The following TMEM232 variants were observed in gnomAD, a reference collection of about 807,000 sequenced individuals.
TMEM232 encodes transmembrane protein 232.
TMEM232 carries 80 observed loss-of-function variants against 78.8 expected under a neutral mutation model. That is an observed-to-expected ratio of 1.01 (90% CI 0.85 to 1.22). The LOEUF (loss-of-function observed/expected upper bound fraction) is 1.22. Ranked by LOEUF, TMEM232 falls within the 50% of genes most tolerant of loss-of-function variation. The pLI, the probability that TMEM232 is intolerant of heterozygous loss-of-function variation, is 0.00. For synonymous variants in TMEM232, 297 were observed against 254.3 expected (o/e 1.17, Z -1.60); for missense variants, 881 against 742.2 (o/e 1.19, Z -2.17).
chr5:110,564,146 T>C (rs901272579), intron 11 of TMEM232, among the ~76,000 whole-genome samples: 2 of 151,992 alleles, frequency 1.3e-5, no homozygotes, highest in Admixed American at 6.6e-5. Context: ...CCATAATTAT[T>C]ATCTAAAAAC....
chr5:110,465,232 A>G (rs189935891), intron 12 of TMEM232, among the ~76,000 whole-genome samples: 98 of 152,334 alleles, frequency 6.4e-4, no homozygotes, highest in Middle Eastern at 6.8e-3. Flanking sequence ...GCAAAATATT[A>G]TATCTGTGAG....
chr5:110,472,849 G>A (rs1762828818), intron 12 of TMEM232, among the ~76,000 whole-genome samples: 1 of 151,734 alleles, frequency 6.6e-6, no homozygotes, highest in Non-Finnish European at 1.5e-5. Flanking sequence ...AATAAATGAT[G>A]GTTGGAAAAT....
At chr5:110,603,142 G>A (rs181643470) in intron 10 of TMEM232, among the ~76,000 whole-genome samples, 4 of 152,170 alleles carry the variant, frequency 2.6e-5, no homozygotes, top group Admixed American at 2.6e-4. Context: ...GGCCTGTCAG[G>A]GGTTGGGGGC....
intron 1 of TMEM232, among the ~76,000 whole-genome samples, chr5:110,671,370 C>A (rs1181320322): frequency 6.6e-6 from 1 of 152,118 alleles, no homozygotes; most frequent in Admixed American, 6.5e-5. Flanking sequence ...ATCAGAAATA[C>A]CATTTGACCC....
intron 12 of TMEM232, among the ~76,000 whole-genome samples, chr5:110,484,763 T>A (rs1318189658): frequency 6.6e-6 from 1 of 151,998 alleles, no homozygotes; most frequent in Non-Finnish European, 1.5e-5. Flanking sequence ...ACAGCAAGTG[T>A]TATATATTCT....
At chr5:110,668,744 C>A (rs1050643312) in intron 1 of TMEM232, among the ~76,000 whole-genome samples, 2 of 152,148 alleles carry the variant, frequency 1.3e-5, no homozygotes, top group East Asian at 1.9e-4. Context: ...CACTTCTCAG[C>A]AAGTGTAAAA....
At chr5:110,601,188 T>C (rs533906310) in intron 10 of TMEM232, among the ~76,000 whole-genome samples, 29 of 152,278 alleles carry the variant, frequency 1.9e-4, no homozygotes, top group Admixed American at 7.2e-4. Flanking sequence ...AACAAACTCA[T>C]AGCCAATATC....
chr5:110,436,474 G>A (rs1758446167), intron 12 of TMEM232, among the ~76,000 whole-genome samples: 1 of 151,850 alleles, frequency 6.6e-6, no homozygotes, highest in Non-Finnish European at 1.5e-5. Flanking sequence ...GATCCCATTT[G>A]TCCACATTTC....
intron 3 of TMEM232, among the ~76,000 whole-genome samples, chr5:110,391,308 T>TGTGG (rs1233804910): frequency 7.2e-6 from 1 of 138,722 alleles, no homozygotes; most frequent in African/African-American, 3.1e-5. Flanking sequence ...TGTGTGTGTG[T>TGTGG]GTGTGTGTGT....
At chr5:110,630,293 G>T (rs899213769) in intron 5 of TMEM232, among the ~76,000 whole-genome samples, 1 of 152,126 alleles carries the variant, frequency 6.6e-6, no homozygotes, top group Admixed American at 6.5e-5. Context: ...CCAGAAAGAA[G>T]AATCAAAATT....
At chr5:110,628,550 T>C (rs1323059231) in intron 5 of TMEM232, among the ~76,000 whole-genome samples, 2 of 151,978 alleles carry the variant, frequency 1.3e-5, no homozygotes, top group Non-Finnish European at 2.9e-5. Context: ...AAAAAATATA[T>C]AATCTGCAAC....
chr5:110,598,746 T>G (rs10076964), intron 10 of TMEM232, among the ~76,000 whole-genome samples: 32,222 of 150,306 alleles, frequency 0.21, 5,052 homozygotes, highest in African/African-American at 0.45. Flanking sequence ...TCATTCTCAG[T>G]AAACTATCGC....
chr5:110,406,263 TATACACACAC>T (rs1165936176), intron 2 of TMEM232, among the ~76,000 whole-genome samples: 43 of 51,686 alleles, frequency 8.3e-4, no homozygotes, highest in Admixed American at 4.0e-3. Flanking sequence ...CACAGATATA[TATACACACAC>T]ACACACACAC....
chr5:110,455,539 G>A (rs1362821570), intron 12 of TMEM232, among the ~76,000 whole-genome samples: 4 of 151,850 alleles, frequency 2.6e-5, no homozygotes, highest in African/African-American at 7.3e-5. Context: ...CACCACGCCC[G>A]GCTAATTTTT....
At chr5:110,596,394 T>C (rs1048389161) in intron 10 of TMEM232, among the ~76,000 whole-genome samples, 3 of 151,332 alleles carry the variant, frequency 2.0e-5, no homozygotes, top group Admixed American at 2.0e-4. Flanking sequence ...CCAAAAAGAG[T>C]CCAGGACCAG....
At chr5:110,449,180 G>T (rs1056906788) in intron 12 of TMEM232, among the ~76,000 whole-genome samples, 80 of 151,788 alleles carry the variant, frequency 5.3e-4, no homozygotes, top group African/African-American at 1.9e-3. Context: ...GTTAAAAGAG[G>T]GTAATTTTAT....
At chr5:110,724,395 G>A (rs1013535348) in intron 1 of TMEM232, among the ~76,000 whole-genome samples, 4 of 152,244 alleles carry the variant, frequency 2.6e-5, no homozygotes, top group South Asian at 2.1e-4. Context: ...GCTCAAAGAC[G>A]AGTACTTGAA....
At chr5:110,459,054 A>G (rs1761205313) in intron 12 of TMEM232, among the ~76,000 whole-genome samples, 1 of 152,192 alleles carries the variant, frequency 6.6e-6, no homozygotes, top group Non-Finnish European at 1.5e-5. Flanking sequence ...TTCAGGAGAT[A>G]AGACCATTTG....
At chr5:110,631,931 C>A (rs573252231) in intron 5 of TMEM232, among the ~76,000 whole-genome samples, 2 of 151,596 alleles carry the variant, frequency 1.3e-5, no homozygotes, top group African/African-American at 4.8e-5. Flanking sequence ...TACCTAGAGG[C>A]GCAAGAATTG....
Sources: gnomAD v4.1 joint callset for allele counts (sites outside exome capture counted in the v4.1 genomes callset) on GRCh38, gnomAD v4.1.1 for gene constraint, MANE v1.5 for transcripts, NCBI Gene and HGNC (gene_info 2026-07-23, HGNC 2026-07-21) for gene names.